The following DOCK4 variants were observed in gnomAD, a reference collection of about 807,000 sequenced individuals.
DOCK4 encodes the protein dedicator of cytokinesis protein 4.
A neutral mutation model predicts 268.1 loss-of-function variants in DOCK4; 97 were observed. That is an observed-to-expected ratio of 0.36 (90% CI 0.31 to 0.43). The LOEUF (loss-of-function observed/expected upper bound fraction) is 0.43, where lower values mean the gene tolerates loss of function less well. Among genes scored for constraint, DOCK4 ranks in the 20% least tolerant of loss-of-function variants. DOCK4 has a pLI of 1.00. For synonymous variants in DOCK4, 954 were observed against 887.2 expected (o/e 1.08, Z -1.34); for missense variants, 2,145 against 2,455.7 (o/e 0.87, Z 2.67).
At chr7:111,905,298 C>G (rs1791470439) in intron 13 of DOCK4, among the ~76,000 whole-genome samples, 1 of 152,052 alleles carries the variant, frequency 6.6e-6, no homozygotes, top group South Asian at 2.1e-4. Context: ...AAGCTATTTC[C>G]CTGACAATGT....
At chr7:112,083,887 C>T (rs1010908258) in intron 1 of DOCK4, among the ~76,000 whole-genome samples, 1 of 152,112 alleles carries the variant, frequency 6.6e-6, no homozygotes, top group Non-Finnish European at 1.5e-5. Context: ...AAGTATACTT[C>T]CCTGCTCTGC....
intron 3 of DOCK4, 23 bp downstream of exon 3, chr7:112,000,471 T>C: frequency 7.6e-7 from 1 of 1,309,360 alleles, no homozygotes; most frequent in Non-Finnish European, 1.1e-6. Flanking sequence ...TTCATAATTA[T>C]AGTTAGAAAT....
intron 23 of DOCK4, among the ~76,000 whole-genome samples, chr7:111,853,587 A>G (rs1180441379): frequency 6.6e-6 from 1 of 152,252 alleles, no homozygotes; most frequent in African/African-American, 2.4e-5. Context: ...CTGCAGATTC[A>G]GTGGGCTACG....
intron 1 of DOCK4, among the ~76,000 whole-genome samples, chr7:112,055,875 G>A (rs1281628840): frequency 6.0e-5 from 9 of 151,108 alleles, no homozygotes; most frequent in Non-Finnish European, 8.8e-5. Flanking sequence ...GCCACTGCAC[G>A]TCTCCAGCCT....
At chr7:112,035,322 G>GA (rs1411096010) in intron 1 of DOCK4, among the ~76,000 whole-genome samples, 1 of 151,020 alleles carries the variant, frequency 6.6e-6, no homozygotes, top group Non-Finnish European at 1.5e-5. Flanking sequence ...ACTACAAAAA[G>GA]AAAAAAAATC....
At chr7:111,983,850 G>GCA (rs1259883175) in intron 7 of DOCK4, among the ~76,000 whole-genome samples, 25 of 60,376 alleles carry the variant, frequency 4.1e-4, no homozygotes, top group African/African-American at 1.2e-3. Flanking sequence ...ACACACGCGC[G>GCA]CGCGCGCGCG....
chr7:111,985,629 C>T (rs1798993329), intron 6 of DOCK4, among the ~76,000 whole-genome samples: 1 of 152,226 alleles, frequency 6.6e-6, no homozygotes, highest in Non-Finnish European at 1.5e-5. Flanking sequence ...GCTGTCACCT[C>T]CTTGACAGTA....
rs535914773 is a variant in DOCK4, at chr7:112,132,369, C to CA, written c.37+73732dup. Reference sequence around the variant, plus strand: ...CAAAAGGATGTCTAGGTATCACAAACAAAAGAGTGGAAATTAACCAGGAAA... The same window carrying CA: ...CAAAAGGATGTCTAGGTATCACAAACAAAAAGAGTGGAAATTAACCAGGAAA... On this transcript the variant is annotated intron_variant, in intron 1 of 52. Transcript: ENST00000428084. Among the ~76,000 whole-genome samples the CA allele has an allele frequency of 1.3e-4, 20 of 152,132 alleles. No individual in the cohort carries two copies. In the South Asian group the frequency reaches 3.7e-3, roughly 28 times the overall value.
chr7:112,074,464 T>C (rs1380162383), intron 1 of DOCK4, among the ~76,000 whole-genome samples: 4 of 152,310 alleles, frequency 2.6e-5, no homozygotes, highest in East Asian at 3.9e-4. Flanking sequence ...TTCATCCTCC[T>C]CTGTGATGCT....
At chr7:112,057,976 T>A (rs1279871336) in intron 1 of DOCK4, among the ~76,000 whole-genome samples, 1 of 151,134 alleles carries the variant, frequency 6.6e-6, no homozygotes, top group Admixed American at 6.6e-5. Flanking sequence ...TTATAGTACA[T>A]GGATATAAAT....
intron 30 of DOCK4, among the ~76,000 whole-genome samples, chr7:111,791,085 TATATATATATATATAA>T (rs1799501353): frequency 7.1e-6 from 1 of 140,030 alleles, no homozygotes; most frequent in African/African-American, 2.7e-5. Flanking sequence ...TATATATATA[TATATATATATATATAA>T]AATAAATCAT....
At chr7:111,928,586 C>CTTT (rs200976875) in intron 12 of DOCK4, among the ~76,000 whole-genome samples, 19 of 129,508 alleles carry the variant, frequency 1.5e-4, no homozygotes, top group African/African-American at 4.5e-4. Flanking sequence ...TTTTCTTTTT[C>CTTT]TTTTTTTTTT....
chr7:111,788,474 C>A, intron 32 of DOCK4, 188 bp downstream of exon 32: 1 of 584,196 alleles, frequency 1.7e-6, no homozygotes, highest in Non-Finnish European at 3.1e-6. Context: ...CATGCCTAAT[C>A]ATCAACATTA....
Position 112,018,143 on chromosome 7 carries a change from C to CAAAAAAAAAAA in DOCK4, c.38-14023_38-14013dup. 2.7e-3 allele frequency among the ~76,000 whole-genome samples: 56 copies of CAAAAAAAAAAA among 20,638 alleles called. 18 individuals are homozygous for CAAAAAAAAAAA. The highest frequency in any genetic ancestry group is 0.015 in the East Asian group (3 of 198). The allele number at this position is 20,638 out of a possible 152,430, so 13.5% of individuals were successfully genotyped here. On this transcript the variant is annotated intron_variant, in intron 1 of 52. Transcript: ENST00000428084. ...TGGGCAACACAGCAAGACTCCAGCT[C>CAAAAAAAAAAA]AAAAAAAAAAAAAAAAAAAAAAAAA... is the stretch of plus-strand genomic sequence containing the variant.
intron 11 of DOCK4, among the ~76,000 whole-genome samples, chr7:111,936,773 C>G (rs1384738771): frequency 6.6e-6 from 1 of 152,164 alleles, no homozygotes; most frequent in East Asian, 1.9e-4. Context: ...TCCTAGTGAT[C>G]AAGTCTGAGG....
At chr7:111,881,244 G>A (rs1277528581) in intron 16 of DOCK4, among the ~76,000 whole-genome samples, 2 of 152,098 alleles carry the variant, frequency 1.3e-5, no homozygotes, top group African/African-American at 2.4e-5. Flanking sequence ...CTAATAATCC[G>A]ATTGAGAAAT....
chr7:111,919,105 T>A (rs1388500819), intron 12 of DOCK4, among the ~76,000 whole-genome samples: 1 of 151,110 alleles, frequency 6.6e-6, no homozygotes, highest in East Asian at 2.0e-4. Flanking sequence ...GCAGCGACTT[T>A]AAAAAAAACA....
intron 1 of DOCK4, among the ~76,000 whole-genome samples, chr7:112,098,054 T>C (rs886650358): frequency 6.6e-6 from 1 of 152,308 alleles, no homozygotes; most frequent in South Asian, 2.1e-4. Flanking sequence ...AGCAGAAATG[T>C]GAGTAAACAC....
At chr7:112,074,975 C>T (rs1807931612) in intron 1 of DOCK4, among the ~76,000 whole-genome samples, 1 of 152,232 alleles carries the variant, frequency 6.6e-6, no homozygotes, top group African/African-American at 2.4e-5. Context: ...CCTTAGGGTC[C>T]TCTTCCTGCC....
Sources: gnomAD v4.1 joint callset for allele counts (sites outside exome capture counted in the v4.1 genomes callset) on GRCh38, gnomAD v4.1.1 for gene constraint, MANE v1.5 for transcripts, NCBI Gene and HGNC (gene_info 2026-07-23, HGNC 2026-07-21) for gene names.